MSRA: variants seen among roughly 807,000 people sequenced by gnomAD.
MSRA encodes the protein mitochondrial peptide methionine sulfoxide reductase.
Under a neutral mutation model 31.3 loss-of-function variants are expected in MSRA, and 54 were observed. The observed-to-expected ratio is 1.73, with a 90% CI of 1.39 to 2.17. The LOEUF (loss-of-function observed/expected upper bound fraction) is 2.17, where lower values mean the gene tolerates loss of function less well. Ranked by LOEUF, MSRA falls within the 30% of genes most tolerant of loss-of-function variation. MSRA has a pLI of 0.00. For missense variants in MSRA, 507 were observed against 300.9 expected, an observed-to-expected ratio of 1.69 and a Z score of -5.07; for synonymous variants, 169 against 116.5, an observed-to-expected ratio of 1.45 and a Z score of -2.90.
chr8:10,357,641 G>A (rs1804586960), intron 5 of MSRA, among the ~76,000 whole-genome samples: 1 of 152,116 alleles, frequency 6.6e-6, no homozygotes, highest in Non-Finnish European at 1.5e-5. Context: ...CCCAGACCTG[G>A]ATTCCACCAT....
intron 1 of MSRA, among the ~76,000 whole-genome samples, chr8:10,081,407 G>A (rs535255376): frequency 3.3e-5 from 5 of 152,260 alleles, no homozygotes; most frequent in East Asian, 3.9e-4. Context: ...TGTGTGACTC[G>A]GGGAGTTTGT....
intron 1 of MSRA, among the ~76,000 whole-genome samples, chr8:10,056,715 G>C (rs529719521): frequency 2.0e-5 from 3 of 152,048 alleles, no homozygotes; most frequent in Non-Finnish European, 4.4e-5. Context: ...CCTCTTCAGT[G>C]GGTTTCAGTA....
chr8:10,334,103 C>T (rs1472667743), intron 5 of MSRA, among the ~76,000 whole-genome samples: 1 of 152,028 alleles, frequency 6.6e-6, no homozygotes, highest in Admixed American at 6.6e-5. Flanking sequence ...GGCCCCAGCG[C>T]CTACTGCCTG....
At chr8:10,225,474 A>G (rs189482380) in intron 2 of MSRA, among the ~76,000 whole-genome samples, 34 of 152,354 alleles carry the variant, frequency 2.2e-4, no homozygotes, top group Admixed American at 1.9e-3. Context: ...TACTTGTTAG[A>G]TGAATCACGT....
chr8:10,384,913 G>T (rs568470743), intron 5 of MSRA, among the ~76,000 whole-genome samples: 1 of 152,024 alleles, frequency 6.6e-6, no homozygotes, highest in Non-Finnish European at 1.5e-5. Flanking sequence ...GAGCCAGAAG[G>T]ATCACTTGAG....
At chr8:10,342,925 A>G (rs1262898566) in intron 5 of MSRA, among the ~76,000 whole-genome samples, 3 of 152,136 alleles carry the variant, frequency 2.0e-5, no homozygotes, top group South Asian at 2.1e-4. Context: ...TCTCATACAT[A>G]AAATGTGAAT....
At chr8:10,074,549 A>C (rs765299080) in intron 1 of MSRA, among the ~76,000 whole-genome samples, 1 of 152,168 alleles carries the variant, frequency 6.6e-6, no homozygotes, top group Admixed American at 6.5e-5. Context: ...TTATTAATTG[A>C]TAGAGATATT....
intron 2 of MSRA, among the ~76,000 whole-genome samples, chr8:10,237,931 C>G (rs1471695912): frequency 6.6e-6 from 1 of 152,310 alleles, no homozygotes; most frequent in East Asian, 1.9e-4. Context: ...CTAGTCTATT[C>G]TCAACCGAGG....
At chr8:10,294,615 GTCTAGATA>G (rs1800428833) in intron 3 of MSRA, among the ~76,000 whole-genome samples, 1 of 152,200 alleles carries the variant, frequency 6.6e-6, no homozygotes, top group African/African-American at 2.4e-5. Flanking sequence ...CCAGCCATCT[GTCTAGATA>G]GGTATCCTGC....
intron 3 of MSRA, among the ~76,000 whole-genome samples, chr8:10,286,557 T>A (rs1799948812): frequency 6.6e-6 from 1 of 152,236 alleles, no homozygotes; most frequent in Non-Finnish European, 1.5e-5. Flanking sequence ...GTCTTGGGTA[T>A]GTCTTTACCA....
At chr8:10,130,364 G>A (rs2129024280) in intron 1 of MSRA, among the ~76,000 whole-genome samples, 1 of 152,320 alleles carries the variant, frequency 6.6e-6, no homozygotes, top group South Asian at 2.1e-4. Flanking sequence ...CGGTGAGAAT[G>A]TTGACTGCAT....
intron 2 of MSRA, among the ~76,000 whole-genome samples, chr8:10,221,415 A>AAT (rs1471613306): frequency 1.4e-5 from 2 of 148,062 alleles, no homozygotes; most frequent in Middle Eastern, 3.6e-3. Flanking sequence ...ACATATTATA[A>AAT]ATATATATAT....
intron 1 of MSRA, among the ~76,000 whole-genome samples, chr8:10,199,332 G>GT (rs564564010): frequency 4.8e-4 from 73 of 152,210 alleles, no homozygotes; most frequent in Non-Finnish European, 9.3e-4. Context: ...TTGTTTGTTT[G>GT]TTTTTTGAGA....
At chr8:10,350,125 T>G (rs1206731038) in intron 5 of MSRA, among the ~76,000 whole-genome samples, 1 of 152,250 alleles carries the variant, frequency 6.6e-6, no homozygotes, top group Non-Finnish European at 1.5e-5. Context: ...TGTGAAATCA[T>G]TAGCCACAAT....
At chr8:10,211,585 C>T (rs902768111) in intron 2 of MSRA, among the ~76,000 whole-genome samples, 4 of 152,214 alleles carry the variant, frequency 2.6e-5, no homozygotes, top group Admixed American at 2.6e-4. Context: ...CTGTGAGTGC[C>T]CCCTTGGCTC....
chr8:10,324,401 A>G (rs1206307002), intron 5 of MSRA, among the ~76,000 whole-genome samples: 2 of 152,074 alleles, frequency 1.3e-5, no homozygotes, highest in South Asian at 2.1e-4. Context: ...TGCTCTCACT[A>G]TGGCTTATCC....
intron 2 of MSRA, among the ~76,000 whole-genome samples, chr8:10,230,636 T>C (rs1442343564): frequency 6.6e-6 from 1 of 152,234 alleles, no homozygotes; most frequent in Non-Finnish European, 1.5e-5. Context: ...GAAAAACTTC[T>C]TTTGACAGTT....
chr8:10,332,559 C>T (rs533848577), intron 5 of MSRA, among the ~76,000 whole-genome samples: 2 of 151,620 alleles, frequency 1.3e-5, no homozygotes, highest in Admixed American at 6.6e-5. Flanking sequence ...TAAATAAGAA[C>T]CTGTGAAATA....
intron 5 of MSRA, among the ~76,000 whole-genome samples, chr8:10,359,752 G>A (rs1804732367): frequency 6.6e-6 from 1 of 152,182 alleles, no homozygotes; most frequent in African/African-American, 2.4e-5. Context: ...CTCAGATGGA[G>A]GATGGTCTCA....
Sources: gnomAD v4.1 joint callset for allele counts (sites outside exome capture counted in the v4.1 genomes callset) on GRCh38, gnomAD v4.1.1 for gene constraint, MANE v1.5 for transcripts, NCBI Gene and HGNC (gene_info 2026-07-23, HGNC 2026-07-21) for gene names.